Variants in ARIH1 observed in about 807,000 individuals in gnomAD.
ARIH1 encodes the protein ariadne RBR E3 ubiquitin protein ligase 1, also known as E3 ubiquitin-protein ligase ARIH1.
ARIH1 carries 8 observed loss-of-function variants against 85.0 expected under a neutral mutation model. The observed-to-expected ratio is 0.09, with a 90% CI of 0.06 to 0.17. The LOEUF (loss-of-function observed/expected upper bound fraction) is 0.17. ARIH1 is among the 10% of genes least tolerant of loss of function. ARIH1 has a pLI of 1.00. For missense variants in ARIH1, 311 were observed against 718.1 expected, an observed-to-expected ratio of 0.43 and a Z score of 6.48; for synonymous variants, 238 against 253.6, an observed-to-expected ratio of 0.94 and a Z score of 0.59.
chr15:72,520,850 TC>T (rs1436314526), intron 2 of ARIH1, among the ~76,000 whole-genome samples: 2 of 152,096 alleles, frequency 1.3e-5, no homozygotes, highest in Admixed American at 1.3e-4. Context: ...TTTTTTTTTT[TC>T]TTTTCTTTTT....
chr15:72,483,953 C>A (rs1301332800), intron 1 of ARIH1, among the ~76,000 whole-genome samples: 1 of 151,896 alleles, frequency 6.6e-6, no homozygotes, highest in Non-Finnish European at 1.5e-5. Flanking sequence ...AGGCGGATCA[C>A]CTGAAGTCAG....
At chr15:72,491,645 T>G (rs1001015749) in intron 1 of ARIH1, among the ~76,000 whole-genome samples, 6 of 152,352 alleles carry the variant, frequency 3.9e-5, no homozygotes, top group Middle Eastern at 3.4e-3. Context: ...CACATTTCTC[T>G]TCTACCAAAT....
intron 2 of ARIH1, among the ~76,000 whole-genome samples, chr15:72,519,313 A>G (rs1475217149): frequency 2.0e-5 from 3 of 152,044 alleles, no homozygotes; most frequent in East Asian, 1.9e-4. Context: ...CTATTAAATT[A>G]CATTGTAAAT....
At chr15:72,485,899 T>C (rs1018250931) in intron 1 of ARIH1, among the ~76,000 whole-genome samples, 6 of 152,216 alleles carry the variant, frequency 3.9e-5, no homozygotes, top group African/African-American at 1.4e-4. Flanking sequence ...GTTGACATTA[T>C]TGGATGAGAT....
chr15:72,475,196 A>G, intron 1 of ARIH1, 182 bp downstream of exon 1: 2 of 1,310,612 alleles, frequency 1.5e-6, no homozygotes, highest in Non-Finnish European at 9.9e-7. Context: ...TTCGCCGATT[A>G]GCCGGGTGTG....
chr15:72,527,541 C>G (rs2064035941), intron 2 of ARIH1, among the ~76,000 whole-genome samples: 1 of 151,890 alleles, frequency 6.6e-6, no homozygotes, highest in Admixed American at 6.6e-5. Flanking sequence ...TGTCTGTTCT[C>G]ATATTACACT....
chr15:72,477,226 C>T (rs952937583), intron 1 of ARIH1, among the ~76,000 whole-genome samples: 6 of 152,104 alleles, frequency 3.9e-5, no homozygotes, highest in African/African-American at 7.2e-5. Flanking sequence ...TAAATTGCCC[C>T]TCGCTTTTTG....
At chr15:72,486,608 A>G (rs2063838262) in intron 1 of ARIH1, among the ~76,000 whole-genome samples, 1 of 151,916 alleles carries the variant, frequency 6.6e-6, no homozygotes, top group Non-Finnish European at 1.5e-5. Flanking sequence ...AGGTGGCTTA[A>G]AAAATTCTTA....
chr15:72,595,808 G>GTTTTTTTTTTTTTTTTTCT lies in ARIH1; in HGVS notation c.*12533_*12534insCTTTTTTTTTTTTTTTTTT, dbSNP rs2064361126. The stretch of plus-strand genomic sequence containing the variant: ...TATTGCAGTGTTTTTTGTTTTTTCT[G>GTTTTTTTTTTTTTTTTTCT]TTTTTTTTTTTTTTTTTTCATCTTT... On this transcript the variant is annotated 3_prime_UTR_variant, in exon 14 of 14. Transcript: ENST00000379887. 2.6e-4 allele frequency: 32 copies of GTTTTTTTTTTTTTTTTTCT among 122,772 alleles called. No individual in the cohort carries two copies. Among genetic ancestry groups the GTTTTTTTTTTTTTTTTTCT allele is most frequent in the Non-Finnish European group, 4.7e-4 (27 of 57,616 alleles). 7.6% of individuals were successfully genotyped at this position (122,772 alleles called of 1,614,324 possible).
chr15:72,558,932 G>C (rs2064185928), intron 5 of ARIH1, among the ~76,000 whole-genome samples: 1 of 152,052 alleles, frequency 6.6e-6, no homozygotes, highest in South Asian at 2.1e-4. Flanking sequence ...GTGTGTGTTT[G>C]GCAATCAAGG....
intron 2 of ARIH1, among the ~76,000 whole-genome samples, chr15:72,541,855 CA>C (rs2064108772): frequency 6.6e-6 from 1 of 152,112 alleles, no homozygotes; most frequent in African/African-American, 2.4e-5. Context: ...TCTAGCAGAG[CA>C]AACATAAAGA....
intron 2 of ARIH1, among the ~76,000 whole-genome samples, chr15:72,524,264 A>T (rs1487665405): frequency 1.7e-5 from 2 of 116,140 alleles, no homozygotes; most frequent in Admixed American, 8.9e-5. Context: ...TTTTTTTGAG[A>T]TGGATGGAGT....
intron 2 of ARIH1, among the ~76,000 whole-genome samples, chr15:72,530,886 A>G (rs2064053624): frequency 6.6e-6 from 1 of 152,256 alleles, no homozygotes. Flanking sequence ...TAAGAAATAC[A>G]GAGGATATAA....
intron 2 of ARIH1, among the ~76,000 whole-genome samples, chr15:72,522,475 G>T (rs940589952): frequency 1.3e-5 from 2 of 152,084 alleles, no homozygotes; most frequent in African/African-American, 2.4e-5. Flanking sequence ...AGCTGAGATT[G>T]TGCCATTGCA....
At chr15:72,489,421 A>G (rs1280140642) in intron 1 of ARIH1, among the ~76,000 whole-genome samples, 1 of 152,172 alleles carries the variant, frequency 6.6e-6, no homozygotes, top group African/African-American at 2.4e-5. Flanking sequence ...AACCACTGGC[A>G]CCTTAGTACA....
chr15:72,489,508 G>GTT (rs2063850666), intron 1 of ARIH1, among the ~76,000 whole-genome samples: 1 of 152,192 alleles, frequency 6.6e-6, no homozygotes, highest in Admixed American at 6.6e-5. Context: ...AAAAAAATAC[G>GTT]TTTCACTTAA....
At chr15:72,581,143 A>G (rs1159042729) in intron 12 of ARIH1, 152 bp downstream of exon 12, 8 of 879,720 alleles carry the variant, frequency 9.1e-6, no homozygotes, top group African/African-American at 6.8e-5. Flanking sequence ...AGAAATTTCT[A>G]TTTCTTGTCC....
At chr15:72,583,104 C>T (rs980277059) in intron 13 of ARIH1, 104 bp from the exon 14 acceptor site, 15 of 834,664 alleles carry the variant, frequency 1.8e-5, no homozygotes, top group East Asian at 1.0e-4. Flanking sequence ...TGCTTGGTTC[C>T]GAGTCTGGAT....
chr15:72,501,968 A>G (rs2063905736), intron 1 of ARIH1, among the ~76,000 whole-genome samples: 1 of 152,202 alleles, frequency 6.6e-6, no homozygotes, highest in Non-Finnish European at 1.5e-5. Flanking sequence ...AGTTTCAGGT[A>G]ACGATAAAAG....
Sources: allele counts gnomAD v4.1 joint callset (sites outside exome capture counted in the v4.1 genomes callset), GRCh38; gene constraint gnomAD v4.1.1; transcripts MANE v1.5; gene names NCBI Gene and HGNC (gene_info 2026-07-23, HGNC 2026-07-21).